Variants in DNMT3B observed in about 807,000 individuals in gnomAD.
DNMT3B encodes the protein DNA methyltransferase 3 beta, also known as DNA (cytosine-5)-methyltransferase 3B.
A neutral mutation model predicts 120.2 loss-of-function variants in DNMT3B; 37 were observed. The ratio of observed to expected loss-of-function variants is 0.31; its 90% CI spans 0.24 to 0.40. The LOEUF (loss-of-function observed/expected upper bound fraction) is 0.40. Ranked by LOEUF, DNMT3B falls within the 10% of genes least tolerant of loss-of-function variation. The probability of loss-of-function intolerance (pLI) is 1.00; values close to 1 mark genes in which losing one functional copy is unlikely to be tolerated. For missense variants in DNMT3B, 878 were observed against 1,137.3 expected, an observed-to-expected ratio of 0.77 and a Z score of 3.28; for synonymous variants, 412 against 442.8, an observed-to-expected ratio of 0.93 and a Z score of 0.87.
At chr20:32,775,624 C>T (rs1568825480) in intron 1 of DNMT3B, among the ~76,000 whole-genome samples, 1 of 152,188 alleles carries the variant, frequency 6.6e-6, no homozygotes, top group Admixed American at 6.5e-5. Context: ...CACGCTGGAC[C>T]CCAGCCTCTG....
intron 1 of DNMT3B, among the ~76,000 whole-genome samples, chr20:32,772,485 G>A (rs932871761): frequency 4.6e-5 from 7 of 152,176 alleles, no homozygotes; most frequent in African/African-American, 1.7e-4. Context: ...AGGGGACAGG[G>A]CTGTTGGCTC....
At chr20:32,807,348 G>A (rs1982081468) in intron 22 of DNMT3B, among the ~76,000 whole-genome samples, 1 of 152,158 alleles carries the variant, frequency 6.6e-6, no homozygotes, top group African/African-American at 2.4e-5. Context: ...GTTTGAAGAG[G>A]GAAGGAAAAC....
chr20:32,787,326 A>G lies in DNMT3B; in HGVS notation c.529A>G (p.Thr177Ala), dbSNP rs1280453183. 2 of 1,614,218 alleles carry G rather than the reference A, an allele frequency of 1.2e-6. No homozygotes were observed. The highest frequency in any genetic ancestry group is 2.2e-5 in the South Asian group (2 of 91,086). Residue 177 changes from threonine to alanine, a missense_variant, in exon 6 of 23, where the codon ACA (threonine) becomes GCA (alanine). Physicochemically the swap from Thr to Ala is moderately conservative, Grantham distance 58. Around this residue, in one of 4 missense-constraint regions of DNMT3B, gnomAD observed 287 missense variants for 306.2 expected, o/e 0.94. Transcript: ENST00000328111. ...CGACCTCACAGACGACACAGAGGAC[A>G]CACATGGGACGCCCCAGAGCAGCAG... ...TIDLTDDTEDTHGTPQSSSTP... is the reference protein window; with the variant it reads ...TIDLTDDTEDAHGTPQSSSTP...
chr20:32,764,033 T>C (rs1169925095), intron 1 of DNMT3B, among the ~76,000 whole-genome samples: 2 of 152,160 alleles, frequency 1.3e-5, no homozygotes, highest in Non-Finnish European at 2.9e-5. Flanking sequence ...AGAGTTGAGA[T>C]GATGGTACTT....
intron 16 of DNMT3B, 97 bp from the exon 17 acceptor site, chr20:32,800,056 T>C: frequency 6.5e-7 from 1 of 1,541,610 alleles, no homozygotes; most frequent in Non-Finnish European, 8.9e-7. Flanking sequence ...GATACAGTCA[T>C]GAGGAACTGT....
chr20:32,784,926 A>G, intron 4 of DNMT3B, 67 bp downstream of exon 4: 1 of 1,489,948 alleles, frequency 6.7e-7, no homozygotes, highest in East Asian at 2.3e-5. Flanking sequence ...ATAGCATGCT[A>G]CATACATAGC....
At chr20:32,801,244 A>G (rs765124294) in intron 18 of DNMT3B, 34 bp from the exon 19 acceptor site, 4 of 1,614,064 alleles carry the variant, frequency 2.5e-6, no homozygotes, top group Admixed American at 1.7e-5. Context: ...GAGGTTTCAA[A>G]TGAACCCTGC....
chr20:32,770,986 C>A (rs1601050703), intron 1 of DNMT3B, among the ~76,000 whole-genome samples: 1 of 152,092 alleles, frequency 6.6e-6, no homozygotes, highest in South Asian at 2.1e-4. Context: ...CTCAAGCAAT[C>A]CTCCTGCCTA....
chr20:32,798,631 G>T lies in DNMT3B; in HGVS notation c.1662G>T (p.Thr554=). The T allele has an allele frequency of 6.2e-7, 1 of 1,613,922 alleles. No homozygotes were observed. Among genetic ancestry groups the T allele is most frequent in the Non-Finnish European group, 8.5e-7 (1 of 1,180,044 alleles). The change falls in exon 15 of 23, where the codon ACG becomes ACT. Residue 554 remains threonine (T), a synonymous_variant. Transcript: ENST00000328111. The part of the protein sequence containing the change: ...VRLQAFFTSD[T]GLEYEAPKLY... ...TGCAGGCCTTCTTCACCAGTGACACGGGGCTTGAATATGTAAGCCACAGGC... is the reference window on the plus strand; with the variant it reads ...TGCAGGCCTTCTTCACCAGTGACACTGGGCTTGAATATGTAAGCCACAGGC...
intron 10 of DNMT3B, among the ~76,000 whole-genome samples, chr20:32,794,709 T>A (rs1034485808): frequency 2.0e-5 from 3 of 152,196 alleles, no homozygotes; most frequent in African/African-American, 4.8e-5. Flanking sequence ...TTCCAAGATG[T>A]TAGCATTTTA....
intron 1 of DNMT3B, among the ~76,000 whole-genome samples, chr20:32,768,199 T>C (rs2145846490): frequency 6.6e-6 from 1 of 151,420 alleles, no homozygotes; most frequent in East Asian, 1.9e-4. Flanking sequence ...TTAATTTTTT[T>C]TTTTTTTTTT....
intron 21 of DNMT3B, 77 bp from the exon 22 acceptor site, chr20:32,806,132 T>G: frequency 3.7e-6 from 5 of 1,353,452 alleles, no homozygotes; most frequent in Admixed American, 3.4e-5. Context: ...CCTCCATCTT[T>G]CCCAGGTACT....
chr20:32,781,255 C>A, intron 2 of DNMT3B, 98 bp from the exon 3 acceptor site: 1 of 1,287,118 alleles, frequency 7.8e-7, no homozygotes, highest in Non-Finnish European at 1.1e-6. Context: ...TAGGGGAGAT[C>A]CCAGGCCACG....
chr20:32,805,494 C>T (rs368066883), intron 21 of DNMT3B, 87 bp downstream of exon 21: 43 of 1,495,278 alleles, frequency 2.9e-5, no homozygotes, highest in Non-Finnish European at 3.9e-5. Flanking sequence ...TTGATTGGTT[C>T]CTACTCCTCC....
chr20:32,781,173 A>G (rs1978577807), intron 2 of DNMT3B, among the ~76,000 whole-genome samples, 180 bp from the exon 3 acceptor site: 1 of 152,190 alleles, frequency 6.6e-6, no homozygotes, highest in Non-Finnish European at 1.5e-5. Flanking sequence ...CTGTTGTCTT[A>G]GGAATAAAAT....
At chr20:32,803,918 A>G (rs781758643) in intron 20 of DNMT3B, among the ~76,000 whole-genome samples, 6 of 152,192 alleles carry the variant, frequency 3.9e-5, no homozygotes, top group Non-Finnish European at 8.8e-5. Flanking sequence ...TGGATTATAG[A>G]CAATAACAGG....
chr20:32,808,999 CT>C lies in DNMT3B; in HGVS notation c.*1102del. 4.6e-6 allele frequency: 1 copy of C among 217,746 alleles called. No individual in the cohort carries two copies. The highest frequency in any genetic ancestry group is 9.2e-6 in the Non-Finnish European group (1 of 108,154). 13.5% of individuals were successfully genotyped at this position (217,746 alleles called of 1,614,324 possible). On this transcript the variant is annotated 3_prime_UTR_variant, in exon 23 of 23. Transcript: ENST00000328111. ...TGCTCCCTTTGGAGATTTTTTAATC[CT>C]TTTTTATTCCATAAGAAGTCGTTTT...
chr20:32,792,599 C>T (rs190567237), intron 8 of DNMT3B, 27 bp from the exon 9 acceptor site: 20 of 1,614,014 alleles, frequency 1.2e-5, no homozygotes, highest in East Asian at 4.5e-5. Flanking sequence ...CCCACCCCCC[C>T]ATTCATCACA....
In DNMT3B at chr20:32,775,931, G is replaced by T. The variant is rs1326953246; in HGVS notation, c.-6-4387G>T. On this transcript the variant is annotated intron_variant, in intron 1 of 22. Coordinates refer to ENST00000328111, the MANE Select transcript of DNMT3B (RefSeq NM_006892.4). ...GATAATAAGACCTGCCCCAGGATGGGGTGGGGGTTAAAGGAGGTGGCAGAC... is the reference window on the plus strand; with the variant it reads ...GATAATAAGACCTGCCCCAGGATGGTGTGGGGGTTAAAGGAGGTGGCAGAC... Among the ~76,000 whole-genome samples the T allele has an allele frequency of 3.3e-5, 5 of 152,226 alleles. No individual in the cohort carries two copies. The East Asian group carries it at 5.8e-4, about 18-fold the overall frequency.
Sources: allele counts gnomAD v4.1 joint callset (sites outside exome capture counted in the v4.1 genomes callset), GRCh38; gene constraint gnomAD v4.1.1; regional missense constraint gnomAD v4.1.1; transcripts MANE v1.5; gene names NCBI Gene and HGNC (gene_info 2026-07-23, HGNC 2026-07-21).